Variants in CCDC60 observed in about 807,000 individuals in gnomAD.
CCDC60 encodes the protein coiled-coil domain containing 60, also known as coiled-coil domain-containing protein 60.
In CCDC60, 54 loss-of-function variants were observed where a neutral mutation model predicts 63.5. The observed-to-expected ratio is 0.85, with a 90% CI of 0.68 to 1.07. CCDC60 has a LOEUF of 1.07. Ranked by LOEUF, CCDC60 falls within the 50% of genes least tolerant of loss-of-function variation. The pLI, the probability that CCDC60 is intolerant of heterozygous loss-of-function variation, is 0.00. For synonymous variants in CCDC60, 206 were observed against 238.8 expected, an observed-to-expected ratio of 0.86 and a Z score of 1.27; for missense variants, 651 against 684.3, an observed-to-expected ratio of 0.95 and a Z score of 0.54.
At chr12:119,377,254 CAAAAA>C (rs60100165) in intron 1 of CCDC60, among the ~76,000 whole-genome samples, 9 of 47,442 alleles carry the variant, frequency 1.9e-4, no homozygotes, top group East Asian at 1.0e-3. Context: ...CACTCCATCT[CAAAAA>C]AAAAAAAAAA....
intron 1 of CCDC60, among the ~76,000 whole-genome samples, chr12:119,355,738 C>A (rs950446382): frequency 1.3e-5 from 2 of 152,220 alleles, no homozygotes; most frequent in African/African-American, 4.8e-5. Context: ...GGCAGTTCTG[C>A]AGTCATATTT....
rs117442591 is a variant in CCDC60, at chr12:119,522,617, G to A, written c.1041-322G>A. Among the ~76,000 whole-genome samples the A allele has an allele frequency of 9.7e-4, 148 of 152,304 alleles. 2 individuals are homozygous for A. The East Asian group carries it at 0.018, about 18-fold the overall frequency. On this transcript the variant is annotated intron_variant, in intron 9 of 13. Coordinates refer to ENST00000327554, the MANE Select transcript of CCDC60 (RefSeq NM_178499.5). ...AATGAAACTGAGATCCAGAAAAGAC[G>A]TAATCCCGACAATATGCAGAGGCGG...
rs147595510 is a variant in CCDC60 at position 119,465,424 on chromosome 12, A to G, written c.171-6570A>G. On this transcript the variant is annotated intron_variant, in intron 2 of 13. Coordinates refer to ENST00000327554, the MANE Select transcript of CCDC60 (RefSeq NM_178499.5). ...TGAAACCAATGTAAAGCCTCTATGT[A>G]TTGATTTATGACTTTGACTGTAACT... Among the ~76,000 whole-genome samples the G allele has an allele frequency of 4.1e-3, 625 of 152,144 alleles. 5 individuals carry two copies. Among genetic ancestry groups the G allele is most frequent in the African/African-American group, 0.014 (578 of 41,526 alleles).
At chr12:119,502,178 A>T (rs1297190540) in intron 6 of CCDC60, among the ~76,000 whole-genome samples, 1 of 152,204 alleles carries the variant, frequency 6.6e-6, no homozygotes, top group African/African-American at 2.4e-5. Flanking sequence ...TAAAGGGAAG[A>T]ACCTCTGTGC....
chr12:119,439,112 C>T (rs1950384105), intron 2 of CCDC60, among the ~76,000 whole-genome samples: 1 of 128,734 alleles, frequency 7.8e-6, no homozygotes, highest in African/African-American at 3.0e-5. Flanking sequence ...AGATCTTACT[C>T]TGTAGAGTAC....
At chr12:119,421,462 A>G (rs1483285598) in intron 1 of CCDC60, among the ~76,000 whole-genome samples, 1 of 152,240 alleles carries the variant, frequency 6.6e-6, no homozygotes, top group Non-Finnish European at 1.5e-5. Context: ...TCACTTGACC[A>G]TGAGTTCAAA....
In CCDC60 at chr12:119,482,177, C is replaced by CACACATAT. The variant is rs1016167575; in HGVS notation, c.449+2977_449+2978insCACATATA. ...ACACACATACACACACACACACACA[C>CACACATAT]ATATATATATGCCACAGCTTCTTTA... is the stretch of plus-strand genomic sequence containing the variant. On this transcript the variant is annotated intron_variant, in intron 4 of 13. Coordinates refer to ENST00000327554, the MANE Select transcript of CCDC60 (RefSeq NM_178499.5). 2.4e-3 allele frequency among the ~76,000 whole-genome samples: 362 copies of CACACATAT among 149,594 alleles called. 1 individual carries two copies. Among genetic ancestry groups the CACACATAT allele is most frequent in the Non-Finnish European group, 4.2e-3 (282 of 67,388 alleles).
In CCDC60 at chr12:119,403,531, T is replaced by C. The variant is rs1716598650; in HGVS notation, c.91-25152T>C. Among the ~76,000 whole-genome samples the C allele has an allele frequency of 2.0e-5, 3 of 152,164 alleles. No individual in the cohort carries two copies. The South Asian group carries it at 6.2e-4, about 32-fold the overall frequency. On this transcript the variant is annotated intron_variant, in intron 1 of 13. Transcript: ENST00000327554. Reference sequence around the variant, plus strand: ...TGGGCTTTAATCACCCAGCTACAAATTGGTGTCCCACTCCCAATCACAGTG... The same window carrying C: ...TGGGCTTTAATCACCCAGCTACAAACTGGTGTCCCACTCCCAATCACAGTG...
chr12:119,480,731 CCAT>C (rs113287470), intron 4 of CCDC60, among the ~76,000 whole-genome samples: 5,750 of 144,666 alleles, frequency 0.04, 367 homozygotes, highest in African/African-American at 0.14. Context: ...ATCATCACCA[CCAT>C]CATCATCACC....
chr12:119,392,482 T>C (rs1258772569), intron 1 of CCDC60, among the ~76,000 whole-genome samples: 2 of 152,332 alleles, frequency 1.3e-5, no homozygotes, highest in African/African-American at 4.8e-5. Flanking sequence ...GTGATAATAA[T>C]AGTAACATTT....
At chr12:119,385,535 G>A (rs113389524) in intron 1 of CCDC60, among the ~76,000 whole-genome samples, 85 of 152,292 alleles carry the variant, frequency 5.6e-4, no homozygotes, top group Middle Eastern at 3.4e-3. Flanking sequence ...CACGTAAGAC[G>A]TGCCTTTTGC....
intron 1 of CCDC60, among the ~76,000 whole-genome samples, chr12:119,350,464 C>T (rs1000861661): frequency 6.6e-6 from 1 of 152,014 alleles, no homozygotes; most frequent in African/African-American, 2.4e-5. Flanking sequence ...AACTCCTTAC[C>T]TCAAGTGATC....
At chr12:119,433,431 C>T (rs1176880246) in intron 2 of CCDC60, 10 of 702,360 alleles carry the variant, frequency 1.4e-5, no homozygotes, top group Non-Finnish European at 1.8e-5. Context: ...AAAGGCCAAA[C>T]AGAGAAGCCA....
At chr12:119,509,023 G>A (rs1952135002) in intron 7 of CCDC60, among the ~76,000 whole-genome samples, 1 of 152,046 alleles carries the variant, frequency 6.6e-6, no homozygotes, top group Admixed American at 6.6e-5. Context: ...GGTAAATGGA[G>A]CATCTCTCTA....
At chr12:119,441,625 A>T (rs1272586945) in intron 2 of CCDC60, among the ~76,000 whole-genome samples, 1 of 152,206 alleles carries the variant, frequency 6.6e-6, no homozygotes, top group Admixed American at 6.5e-5. Context: ...TTGAGCTTTA[A>T]ATCAATGGAA....
At chr12:119,374,247 G>A (rs1593000190) in intron 1 of CCDC60, among the ~76,000 whole-genome samples, 1 of 152,094 alleles carries the variant, frequency 6.6e-6, no homozygotes, top group East Asian at 1.9e-4. Flanking sequence ...TTGTCACTGG[G>A]TTATTGTGAG....
chr12:119,503,038 A>G (rs1038610237), intron 6 of CCDC60, among the ~76,000 whole-genome samples: 6 of 152,222 alleles, frequency 3.9e-5, no homozygotes, highest in African/African-American at 1.4e-4. Flanking sequence ...TTGGCCAGGC[A>G]TGGTGGTGGG....
rs558385960 is a variant in CCDC60 at position 119,481,793 on chromosome 12, C to T, written c.449+2592C>T. The stretch of plus-strand genomic sequence containing the variant: ...CTTGAGTCCCCAAAGTCCACTGTGT[C>T]ATTCTTATGCCTTTGCATCATCATA... On this transcript the variant is annotated intron_variant, in intron 4 of 13. Coordinates refer to ENST00000327554, the MANE Select transcript of CCDC60 (RefSeq NM_178499.5). Among the ~76,000 whole-genome samples, 502 of 151,886 alleles carry T rather than the reference C, an allele frequency of 3.3e-3. 2 individuals are homozygous for T. The highest frequency in any genetic ancestry group is 5.9e-3 in the Non-Finnish European group (398 of 67,942).
intron 1 of CCDC60, among the ~76,000 whole-genome samples, chr12:119,418,382 C>CTTTGTTTTTTT (rs1202154024): frequency 1.6e-5 from 1 of 60,726 alleles, no homozygotes; most frequent in Non-Finnish European, 3.7e-5. Context: ...CCTTTTCTTT[C>CTTTGTTTTTTT]TTTCTTTTTT....
Sources: gnomAD v4.1 joint callset for allele counts (sites outside exome capture counted in the v4.1 genomes callset) on GRCh38, gnomAD v4.1.1 for gene constraint, MANE v1.5 for transcripts, NCBI Gene and HGNC (gene_info 2026-07-23, HGNC 2026-07-21) for gene names.